HCFC1: variants seen among roughly 807,000 people sequenced by gnomAD.
HCFC1 encodes the protein host cell factor C1.
HCFC1 carries 7 observed loss-of-function variants against 105.5 expected under a neutral mutation model. The observed-to-expected ratio is 0.07, with a 90% CI of 0.04 to 0.12. The LOEUF (loss-of-function observed/expected upper bound fraction) is 0.12. Ranked by LOEUF, HCFC1 falls within the 10% of genes least tolerant of loss-of-function variation. HCFC1 has a pLI of 1.00. For missense variants in HCFC1, 1,065 were observed against 1,823.6 expected (o/e 0.58, Z 7.58); for synonymous variants, 918 against 828.1 (o/e 1.11, Z -1.86).
chrX:153,958,257 A>C lies in HCFC1; in HGVS notation c.1804-8T>G, dbSNP rs782490273. ...AGTGGCAGGGTTGCTCACCTGGAGG[A>C]GGCAGAGACGAGTGACAGGCCAGGC... On this transcript the variant is annotated splice_polypyrimidine_tract_variant and splice_region_variant and intron_variant, in intron 10 of 25. Transcript: ENST00000310441. The C allele has an allele frequency of 8.4e-7, 1 of 1,189,808 alleles. No homozygotes were observed. Among genetic ancestry groups the C allele is most frequent in the Non-Finnish European group, 1.1e-6 (1 of 875,967 alleles).
chrX:153,962,800 C>T (rs2065441497), intron 4 of HCFC1, among the ~76,000 whole-genome samples: 1 of 111,437 alleles, frequency 9.0e-6, no homozygotes, highest in African/African-American at 3.3e-5. Flanking sequence ...CTCCTGATAC[C>T]ACCACCTGGT....
rs782687330 is a variant in HCFC1 at position 153,966,481 on chromosome X, CTT to C, written c.194-1757_194-1756del. Reference sequence around the variant, plus strand: ...AAGCTCGGATCCTGGCCCTCTGCCTCTTTCTCATTCCCAGTGCAAAAACCACC... The same window carrying C: ...AAGCTCGGATCCTGGCCCTCTGCCTCTCTCATTCCCAGTGCAAAAACCACC... On this transcript the variant is annotated intron_variant, in intron 1 of 25. Coordinates refer to ENST00000310441, the MANE Select transcript of HCFC1 (RefSeq NM_005334.3). Among the ~76,000 whole-genome samples, 199 of 112,854 alleles carry C rather than the reference CTT, an allele frequency of 1.8e-3. 1 individual carries two copies. The highest frequency in any genetic ancestry group is 2.5e-3 in the Non-Finnish European group (135 of 53,302).
intron 4 of HCFC1, among the ~76,000 whole-genome samples, chrX:153,962,981 CTCTTA>C (rs2065443386): frequency 8.9e-6 from 1 of 112,261 alleles, no homozygotes; most frequent in South Asian, 3.7e-4. Context: ...ATGACTTATT[CTCTTA>C]TAAGCCCGCA....
Position 153,959,997 on chromosome X carries a change from C to G in HCFC1, c.1249G>C (p.Val417Leu), listed in dbSNP as rs2065414146. ...GGAGGGTTGGCAGGCACAGATGGGACCGGATTGGGTGTAGGGGAGGTGGCA... is the reference window on the plus strand; with the variant it reads ...GGAGGGTTGGCAGGCACAGATGGGAGCGGATTGGGTGTAGGGGAGGTGGCA... ...ATATSPTPNP[V>L]PSVPANPPKS... Residue 417 changes from valine (V) to leucine (L), a missense_variant, in exon 8 of 26, where the codon GTC (valine) becomes CTC (leucine). This residue lies in a region of HCFC1 where 101 missense variants were observed against 155.1 expected (regional missense o/e 0.65). Transcript: ENST00000310441. 1 of 1,211,131 alleles carries G rather than the reference C, an allele frequency of 8.3e-7. No individual in the cohort carries two copies. The highest frequency in any genetic ancestry group is 1.1e-6 in the Non-Finnish European group (1 of 895,199).
intron 1 of HCFC1, among the ~76,000 whole-genome samples, chrX:153,968,968 G>A (rs915303245): frequency 4.5e-5 from 5 of 112,115 alleles, no homozygotes; most frequent in Non-Finnish European, 9.4e-5. Context: ...CCCCCGCCCG[G>A]GGGCTGCTGA....
intron 1 of HCFC1, among the ~76,000 whole-genome samples, chrX:153,966,863 A>G (rs1255172589): frequency 8.9e-6 from 1 of 112,403 alleles, no homozygotes; most frequent in Non-Finnish European, 1.9e-5. Flanking sequence ...ACAAAGCTAA[A>G]TGGCACGTGG....
At chrX:153,970,537 G>A in intron 1 of HCFC1, 111 bp downstream of exon 1, 3 of 503,718 alleles carry the variant, frequency 6.0e-6, no homozygotes. Context: ...GGGAGGAGAT[G>A]GAGGGAGGGA....
In HCFC1 at chrX:153,954,061, C is replaced by T. The variant is rs2065343201; in HGVS notation, c.4333+5G>A. On this transcript the variant is annotated splice_donor_5th_base_variant and intron_variant, in intron 17 of 25. Transcript: ENST00000310441. ...ATGAAAGCCAGGCTGGCCACCTTCA[C>T]TTACCTTGGTTTGAACTCATGTTGG... is the stretch of plus-strand genomic sequence containing the variant. 4.2e-6 allele frequency: 5 copies of T among 1,188,523 alleles called. No homozygotes were observed. Among genetic ancestry groups the T allele is most frequent in the Non-Finnish European group, 5.7e-6 (5 of 880,762 alleles).
In HCFC1 at chrX:153,954,895, G is replaced by C. The variant is rs782207714; in HGVS notation, c.3504C>G (p.Thr1168=). 1.6e-5 allele frequency: 19 copies of C among 1,164,038 alleles called. No homozygotes were observed. In the African/African-American group the frequency reaches 2.7e-4, roughly 16 times the overall value. ...TGGTGCTGGTCGCGCTGGTCTGGCG[G>C]GTTTGGCACTGGGACTTAGAGCCCT... ...AAQGSKSQCQ[T]RQTSATSTTM... is the part of the protein sequence containing the mutation. Residue 1168 remains threonine (T), a synonymous_variant, in exon 17 of 26, where the codon ACC becomes ACG. Transcript: ENST00000310441.
chrX:153,954,739 C>A lies in HCFC1; in HGVS notation c.3660G>T (p.Leu1220=). 8.5e-7 allele frequency: 1 copy of A among 1,179,209 alleles called. No homozygotes were observed. Among genetic ancestry groups the A allele is most frequent in the East Asian group, 3.2e-5 (1 of 31,716 alleles). Residue 1220 remains leucine, a synonymous_variant, in exon 17 of 26, where the codon CTG becomes CTT. Transcript: ENST00000310441. ...GAAGGTCCTTAATGCTTGGGCTGCT[C>A]AGCCTGACTTTGCTGCTCAGAGGGG... ...QLAPLSSKVR[L]SSPSIKDLPA...
At chrX:153,970,120 G>C (rs1464388915) in intron 1 of HCFC1, 1 of 103,970 alleles carries the variant, frequency 9.6e-6, no homozygotes, top group African/African-American at 3.5e-5. Flanking sequence ...TCCAGAATGG[G>C]CACTCGAGAT....
At position 153,963,204 on chromosome X, in the gene HCFC1, G is replaced by C. The variant is rs782036918; in HGVS notation, c.712+21C>G. On this transcript the variant is annotated intron_variant, in intron 4 of 25. Coordinates refer to ENST00000310441, the MANE Select transcript of HCFC1 (RefSeq NM_005334.3). ...GACCCGCTTTGTCCCATGGCTGCTG[G>C]GGTGCTACCACCCTGCTCACCAATA... The C allele has an allele frequency of 3.4e-6, 4 of 1,167,779 alleles. No homozygotes were observed. In the South Asian group the frequency reaches 7.1e-5, roughly 21 times the overall value.
At position 153,971,010 on chromosome X, in the gene HCFC1, G is replaced by C; in HGVS notation, c.-170C>G. 1 of 405,635 alleles carries C rather than the reference G, an allele frequency of 2.5e-6. No homozygotes were observed. Among genetic ancestry groups the C allele is most frequent in the East Asian group, 4.5e-5 (1 of 22,265 alleles). 33.4% of individuals were successfully genotyped at this position (405,635 alleles called of 1,213,427 possible). A position where few individuals can be genotyped will look rare whatever the true frequency, so the allele number is the denominator to read the frequency against. On this transcript the variant is annotated 5_prime_UTR_variant, in exon 1 of 26. Transcript: ENST00000310441. ...CATCTTAACTGCCCTCCTTCCCTTT[G>C]GCTCTTCCCTTTCTTCTCGCTCACC... is the stretch of plus-strand genomic sequence containing the variant.
rs180975416 is a variant in HCFC1, at chrX:153,968,514, G to C, written c.193+2134C>G. On this transcript the variant is annotated intron_variant, in intron 1 of 25. Coordinates refer to ENST00000310441, the MANE Select transcript of HCFC1 (RefSeq NM_005334.3). Reference sequence around the variant, plus strand: ...GTCTGCCAGCTGCTCTCTCGTCTGAGGAATTGCCGATGACAGTTTCCAAAC... The same window carrying C: ...GTCTGCCAGCTGCTCTCTCGTCTGACGAATTGCCGATGACAGTTTCCAAAC... Among the ~76,000 whole-genome samples, 486 of 112,325 alleles carry C rather than the reference G, an allele frequency of 4.3e-3. 1 individual carries two copies. Among genetic ancestry groups the C allele is most frequent in the African/African-American group, 0.015 (476 of 30,960 alleles).
intron 8 of HCFC1, 138 bp downstream of exon 8, chrX:153,959,664 A>ACAAC: frequency 1.0e-6 from 1 of 966,543 alleles, no homozygotes; most frequent in Non-Finnish European, 1.4e-6. Context: ...GCATCCCCCT[A>ACAAC]CAACCCTTGG....
Position 153,951,579 on chromosome X carries a change from C to T in HCFC1, c.5379+10G>A. The T allele has an allele frequency of 1.7e-6, 2 of 1,207,786 alleles. No individual in the cohort carries two copies. Among genetic ancestry groups the T allele is most frequent in the Non-Finnish European group, 2.2e-6 (2 of 892,172 alleles). ...CCACGGACTCAGGAGCCCCAACACA[C>T]CCGACTCACCACACCCAGGGACTCG... On this transcript the variant is annotated intron_variant, in intron 21 of 25. Coordinates refer to ENST00000310441, the MANE Select transcript of HCFC1 (RefSeq NM_005334.3).
At chrX:153,951,273 G>A (rs2065308335) in intron 22 of HCFC1, 77 bp downstream of exon 22, 3 of 1,121,162 alleles carry the variant, frequency 2.7e-6, no homozygotes, top group Non-Finnish European at 3.7e-6. Flanking sequence ...AGATGGAGGA[G>A]TTTCCTGTAA....
rs762653 is a variant in HCFC1 at position 153,953,469 on chromosome X, G to A, written c.4497+138C>T. The A allele has an allele frequency of 0.21, 122,713 of 584,547 alleles. 14,707 individuals carry two copies. Among genetic ancestry groups the A allele is most frequent in the East Asian group, 0.74 (21,290 of 28,735 alleles). 48.2% of individuals were successfully genotyped at this position (584,547 alleles called of 1,213,427 possible). A position where few individuals can be genotyped will look rare whatever the true frequency, so the allele number is the denominator to read the frequency against. On this transcript the variant is annotated intron_variant, in intron 18 of 25. Coordinates refer to ENST00000310441, the MANE Select transcript of HCFC1 (RefSeq NM_005334.3). Reference sequence around the variant, plus strand: ...GCCTCCTGCCGCAGCAGGCACCGAGGCTGCCCTTTTATGGTCCGGAAAAGG... The same window carrying A: ...GCCTCCTGCCGCAGCAGGCACCGAGACTGCCCTTTTATGGTCCGGAAAAGG...
intron 2 of HCFC1, 100 bp from the exon 3 acceptor site, chrX:153,964,384 C>G: frequency 2.1e-6 from 2 of 942,100 alleles, no homozygotes; most frequent in Non-Finnish European, 2.9e-6. Flanking sequence ...CGGGGGTGAG[C>G]GAGGTGCCTT....
Sources: gnomAD v4.1 joint callset for allele counts (sites outside exome capture counted in the v4.1 genomes callset) on GRCh38, gnomAD v4.1.1 for gene constraint, gnomAD v4.1.1 regional missense constraint, MANE v1.5 for transcripts, NCBI Gene and HGNC (gene_info 2026-07-23, HGNC 2026-07-21) for gene names.